The following EML5 variants were observed in gnomAD, a reference collection of about 807,000 sequenced individuals.
EML5 encodes EMAP like 5.
In EML5, 120 loss-of-function variants were observed where a neutral mutation model predicts 250.0. The observed-to-expected ratio is 0.48, with a 90% confidence interval of 0.41 to 0.56. The LOEUF (loss-of-function observed/expected upper bound fraction) is 0.56, where lower values mean the gene tolerates loss of function less well. Among genes scored for constraint, EML5 ranks in the 20% least tolerant of loss-of-function variants. The pLI is 0.00. For synonymous variants in EML5, 771 were observed against 806.5 expected, an observed-to-expected ratio of 0.96 and a Z score of 0.75; for missense variants, 2,006 against 2,437.6, an observed-to-expected ratio of 0.82 and a Z score of 3.73.
At position 88,688,279 on chromosome 14, in the gene EML5, A is replaced by G. The variant is rs1450910299; in HGVS notation, c.2734T>C (p.Leu912=). The G allele has an allele frequency of 1.2e-6, 2 of 1,613,742 alleles. No individual in the cohort carries two copies. The highest frequency in any genetic ancestry group is 1.7e-6 in the Non-Finnish European group (2 of 1,179,882). ...CTCTTTAGGTTACTTACTTTTTCCA[A>G]TGCATGCATACTGAACACTGGCCCA... ...HDGPVFSMHA[L]EKGFVTGGKD... Residue 912 remains leucine (L), a synonymous_variant, in exon 18 of 44, where the codon TTG becomes CTG. Coordinates refer to ENST00000554922, the MANE Select transcript of EML5 (RefSeq NM_183387.3).
chr14:88,653,164 G>C (rs537035260), intron 27 of EML5, among the ~76,000 whole-genome samples: 19 of 152,260 alleles, frequency 1.2e-4, no homozygotes, highest in African/African-American at 4.3e-4. Flanking sequence ...AGACTTTGCT[G>C]AACTTGCTTA....
At chr14:88,649,814 T>A (rs2091534732) in intron 28 of EML5, 98 bp downstream of exon 28, 1 of 982,876 alleles carries the variant, frequency 1.0e-6, no homozygotes, top group Admixed American at 3.0e-5. Flanking sequence ...ACAAATGTAG[T>A]TAAATGTTTT....
intron 21 of EML5, among the ~76,000 whole-genome samples, chr14:88,667,180 A>C (rs2092331301): frequency 6.6e-6 from 1 of 152,202 alleles, no homozygotes; most frequent in Non-Finnish European, 1.5e-5. Context: ...AAGTGAAGAC[A>C]TGAAGGAGAC....
chr14:88,648,019 G>A (rs1213267838), intron 28 of EML5, among the ~76,000 whole-genome samples: 1 of 152,098 alleles, frequency 6.6e-6, no homozygotes, highest in Non-Finnish European at 1.5e-5. Context: ...ATCCAAGCAG[G>A]CAGAATTAGT....
chr14:88,635,452 G>C (rs188288634), intron 32 of EML5, among the ~76,000 whole-genome samples: 4 of 152,310 alleles, frequency 2.6e-5, no homozygotes, highest in Admixed American at 6.5e-5. Context: ...GGTCTGGAGA[G>C]ACTAGGTTTG....
At chr14:88,709,713 T>G (rs1046107362) in intron 10 of EML5, among the ~76,000 whole-genome samples, 2 of 152,172 alleles carry the variant, frequency 1.3e-5, no homozygotes, top group African/African-American at 2.4e-5. Flanking sequence ...CCTAGTTATT[T>G]CACTCCTTTG....
At position 88,705,326 on chromosome 14, in the gene EML5, C is replaced by T. The variant is rs1251152367; in HGVS notation, c.1932+156G>A. Among the ~76,000 whole-genome samples the T allele has an allele frequency of 2.0e-5, 3 of 152,076 alleles. No individual in the cohort carries two copies. The East Asian group carries it at 5.8e-4, about 29-fold the overall frequency. On this transcript the variant is annotated intron_variant, in intron 12 of 43. Transcript: ENST00000554922. The stretch of plus-strand genomic sequence containing the variant: ...CATTTAATATAAAAAAAATTTTACA[C>T]AAGTGTACTCTAACACTGACAGTGG...
intron 4 of EML5, among the ~76,000 whole-genome samples, chr14:88,741,200 G>A (rs747843552): frequency 1.3e-5 from 2 of 151,926 alleles, no homozygotes; most frequent in South Asian, 2.1e-4. Flanking sequence ...GTTGGGAATC[G>A]GTTAGCAATG....
At chr14:88,664,216 G>A (rs1310369293) in intron 23 of EML5, among the ~76,000 whole-genome samples, 2 of 149,684 alleles carry the variant, frequency 1.3e-5, no homozygotes, top group Non-Finnish European at 3.0e-5. Context: ...GGTTAAGGTT[G>A]TAGTGAACTG....
chr14:88,626,738 G>C (rs1011496859), intron 35 of EML5, 100 bp downstream of exon 35: 14 of 1,185,606 alleles, frequency 1.2e-5, no homozygotes, highest in Non-Finnish European at 1.7e-5. Flanking sequence ...ATGATTAGCA[G>C]ATCACAGTAT....
chr14:88,663,254 AG>A, intron 23 of EML5, 135 bp from the exon 24 acceptor site: 1 of 488,028 alleles, frequency 2.0e-6, no homozygotes, highest in Non-Finnish European at 3.4e-6. Flanking sequence ...GTCAACTTAT[AG>A]TAAGAACATT....
intron 13 of EML5, among the ~76,000 whole-genome samples, chr14:88,703,996 C>T (rs1285187770): frequency 6.6e-6 from 1 of 152,184 alleles, no homozygotes; most frequent in East Asian, 1.9e-4. Flanking sequence ...TAAGTCACCA[C>T]TAGCATTGCC....
chr14:88,685,267 GT>G, intron 19 of EML5, 125 bp from the exon 20 acceptor site: 1 of 728,490 alleles, frequency 1.4e-6, no homozygotes, highest in Non-Finnish European at 2.0e-6. Context: ...TGTATTTTAA[GT>G]ATTCTAATAA....
At chr14:88,668,730 G>A (rs941201150) in intron 21 of EML5, among the ~76,000 whole-genome samples, 22 of 152,146 alleles carry the variant, frequency 1.4e-4, no homozygotes, top group African/African-American at 5.3e-4. Flanking sequence ...GCATAAAGCA[G>A]GTAGAAAGTT....
intron 21 of EML5, among the ~76,000 whole-genome samples, chr14:88,681,269 C>T (rs1834643439): frequency 1.3e-5 from 2 of 152,264 alleles, no homozygotes; most frequent in South Asian, 4.1e-4. Flanking sequence ...ATGAAATGAA[C>T]AAGACAAGGA....
chr14:88,698,199 A>T (rs908017585), intron 14 of EML5, among the ~76,000 whole-genome samples: 19 of 151,786 alleles, frequency 1.3e-4, no homozygotes, highest in African/African-American at 4.4e-4. Flanking sequence ...TTTATATAAA[A>T]ACTTCTACAG....
rs545206596 is a variant in EML5 at position 88,706,179 on chromosome 14, C to A, written c.1825+80G>T. The A allele has an allele frequency of 3.0e-6, 4 of 1,341,572 alleles. No homozygotes were observed. In the South Asian group the frequency reaches 6.6e-5, roughly 22 times the overall value. 83.1% of individuals were successfully genotyped at this position (1,341,572 alleles called of 1,614,324 possible). A position where few individuals can be genotyped will look rare whatever the true frequency, so the allele number is the denominator to read the frequency against. On this transcript the variant is annotated intron_variant, in intron 11 of 43. Coordinates refer to ENST00000554922, the MANE Select transcript of EML5 (RefSeq NM_183387.3). The stretch of plus-strand genomic sequence containing the variant: ...TGTTAACTTATGAGGCCAGATTATA[C>A]TTTAATATAAAATTGTTATTTGGGG...
chr14:88,714,644 T>G (rs530950809), intron 9 of EML5, among the ~76,000 whole-genome samples: 121 of 152,144 alleles, frequency 8.0e-4, no homozygotes, highest in Non-Finnish European at 1.5e-3. Context: ...TATCAAAACA[T>G]TACATTGTAA....
At chr14:88,747,029 T>C (rs2094013102) in intron 2 of EML5, among the ~76,000 whole-genome samples, 1 of 151,886 alleles carries the variant, frequency 6.6e-6, no homozygotes, top group Non-Finnish European at 1.5e-5. Context: ...CAAGCAAATA[T>C]AAATCCTAAA....
Sources: gnomAD v4.1 joint callset for allele counts (sites outside exome capture counted in the v4.1 genomes callset) on GRCh38, gnomAD v4.1.1 for gene constraint, MANE v1.5 for transcripts, NCBI Gene and HGNC (gene_info 2026-07-23, HGNC 2026-07-21) for gene names.